The following FARS2 variants were observed in gnomAD, a reference collection of about 807,000 sequenced individuals.
FARS2 encodes phenylalanine--tRNA ligase, mitochondrial.
A neutral mutation model predicts 46.4 loss-of-function variants in FARS2; 40 were observed. That is an observed-to-expected ratio of 0.86 (90% confidence interval 0.67 to 1.12). The LOEUF is 1.12. Ranked by LOEUF, FARS2 falls within the 50% of genes most tolerant of loss-of-function variation. FARS2 has a pLI of 0.00. For synonymous variants in FARS2, 234 were observed against 214.9 expected (o/e 1.09, Z -0.78); for missense variants, 513 against 567.9 (o/e 0.90, Z 0.98).
chr6:5,411,133 G>A (rs553733127), intron 3 of FARS2, among the ~76,000 whole-genome samples: 7 of 152,242 alleles, frequency 4.6e-5, no homozygotes, highest in African/African-American at 1.7e-4. Context: ...AAAAATCAGG[G>A]CCAGGCCCAA....
chr6:5,591,072 A>G (rs866490394), intron 5 of FARS2, among the ~76,000 whole-genome samples: 1 of 152,234 alleles, frequency 6.6e-6, no homozygotes, highest in Non-Finnish European at 1.5e-5. Flanking sequence ...CACTTTCACA[A>G]TCAACCCAGA....
intron 1 of FARS2, among the ~76,000 whole-genome samples, chr6:5,293,999 C>T: frequency 6.6e-6 from 1 of 152,192 alleles, no homozygotes; most frequent in Non-Finnish European, 1.5e-5. Context: ...CACACACACA[C>T]ATACACACAC....
At chr6:5,728,048 C>A (rs1760377338) in intron 6 of FARS2, among the ~76,000 whole-genome samples, 1 of 152,172 alleles carries the variant, frequency 6.6e-6, no homozygotes, top group Non-Finnish European at 1.5e-5. Context: ...GTGGATGCCG[C>A]CTTGATGGCC....
At chr6:5,444,488 AAAAAAGAGAG>A (rs1241236872) in intron 4 of FARS2, among the ~76,000 whole-genome samples, 1 of 20,956 alleles carries the variant, frequency 4.8e-5, no homozygotes, top group Non-Finnish European at 1.0e-4. Flanking sequence ...AAAAAAAAAA[AAAAAAGAGAG>A]AGAGAGAGAG....
intron 6 of FARS2, among the ~76,000 whole-genome samples, chr6:5,697,886 T>A (rs1398027806): frequency 6.6e-6 from 1 of 151,338 alleles, no homozygotes; most frequent in East Asian, 1.9e-4. Flanking sequence ...CAACACTTGT[T>A]TTTTTAATTT....
At chr6:5,665,413 A>G (rs1200860405) in intron 6 of FARS2, 2 of 152,354 alleles carry the variant, frequency 1.3e-5, no homozygotes, top group South Asian at 2.1e-4. Flanking sequence ...ATGCAGCTCC[A>G]TCTTCAAAAC....
intron 3 of FARS2, among the ~76,000 whole-genome samples, chr6:5,423,452 G>A (rs1762672839): frequency 6.6e-6 from 1 of 152,026 alleles, no homozygotes; most frequent in Admixed American, 6.5e-5. Context: ...GAGTCCCAGG[G>A]GAACAGTGTG....
intron 6 of FARS2, among the ~76,000 whole-genome samples, chr6:5,616,578 C>A (rs1473180832): frequency 6.6e-6 from 1 of 152,148 alleles, no homozygotes; most frequent in African/African-American, 2.4e-5. Flanking sequence ...CACAAAATTT[C>A]TTTCATATAT....
chr6:5,532,605 G>T (rs1350269168), intron 4 of FARS2, among the ~76,000 whole-genome samples: 1 of 152,148 alleles, frequency 6.6e-6, no homozygotes, highest in Non-Finnish European at 1.5e-5. Flanking sequence ...CAAAAAATTA[G>T]CAGGGTGTGG....
intron 4 of FARS2, among the ~76,000 whole-genome samples, chr6:5,474,157 C>A (rs775916683): frequency 6.6e-6 from 1 of 152,238 alleles, no homozygotes; most frequent in East Asian, 1.9e-4. Context: ...TTTCCGTTAT[C>A]TCCAATGGCA....
chr6:5,279,849 T>C (rs1433849755), intron 1 of FARS2, among the ~76,000 whole-genome samples: 1 of 152,136 alleles, frequency 6.6e-6, no homozygotes, highest in African/African-American at 2.4e-5. Context: ...ACCACCACAT[T>C]GGAGAGGGCA....
At chr6:5,404,450 A>G in intron 2 of FARS2, 92 bp from the exon 3 acceptor site, 1 of 783,912 alleles carries the variant, frequency 1.3e-6, no homozygotes, top group Non-Finnish European at 1.9e-6. Flanking sequence ...ATAACTTTTT[A>G]GAGTCAAAAG....
chr6:5,351,544 G>C (rs1757573764), intron 1 of FARS2, among the ~76,000 whole-genome samples: 1 of 152,088 alleles, frequency 6.6e-6, no homozygotes, highest in African/African-American at 2.4e-5. Flanking sequence ...GAGATTAACT[G>C]ATCCCCCCCA....
intron 4 of FARS2, among the ~76,000 whole-genome samples, chr6:5,523,019 A>G (rs1250339996): frequency 6.6e-6 from 1 of 152,236 alleles, no homozygotes; most frequent in African/African-American, 2.4e-5. Context: ...GGAAGGTTGA[A>G]GTAAAACATA....
intron 6 of FARS2, among the ~76,000 whole-genome samples, chr6:5,770,289 C>G (rs1762967450): frequency 6.6e-6 from 1 of 152,174 alleles, no homozygotes; most frequent in African/African-American, 2.4e-5. Context: ...CTCTCCCTGG[C>G]TAGGCTAAGG....
chr6:5,711,388 A>T (rs1298709686), intron 6 of FARS2, among the ~76,000 whole-genome samples: 2 of 152,120 alleles, frequency 1.3e-5, no homozygotes, highest in African/African-American at 4.8e-5. Context: ...GTGGAACATA[A>T]CTCCCCACGC....
intron 5 of FARS2, among the ~76,000 whole-genome samples, chr6:5,573,915 T>C (rs906848434): frequency 6.6e-6 from 1 of 152,154 alleles, no homozygotes; most frequent in African/African-American, 2.4e-5. Context: ...AGTAGAACAT[T>C]TTCAGTTAAA....
intron 1 of FARS2, among the ~76,000 whole-genome samples, chr6:5,335,511 G>A (rs1771091788): frequency 1.4e-5 from 2 of 145,474 alleles, no homozygotes; most frequent in South Asian, 4.8e-4. Flanking sequence ...TGATTAGTTA[G>A]ACTTATCATT....
intron 4 of FARS2, among the ~76,000 whole-genome samples, chr6:5,435,971 C>G (rs879941881): frequency 4.6e-5 from 7 of 152,178 alleles, no homozygotes; most frequent in African/African-American, 1.4e-4. Flanking sequence ...GCTTGCTTAT[C>G]AAATATTTCT....
Sources: allele counts gnomAD v4.1 joint callset (sites outside exome capture counted in the v4.1 genomes callset), GRCh38; gene constraint gnomAD v4.1.1; transcripts MANE v1.5; gene names NCBI Gene and HGNC (gene_info 2026-07-23, HGNC 2026-07-21).